Variants in TENM3 observed in about 807,000 individuals in gnomAD.
TENM3 encodes the protein teneurin transmembrane protein 3.
In TENM3, 63 loss-of-function variants were observed where a neutral mutation model predicts 255.1. The observed-to-expected ratio is 0.25, with a 90% confidence interval of 0.20 to 0.30. The LOEUF (loss-of-function observed/expected upper bound fraction) is 0.30, where lower values mean the gene tolerates loss of function less well. Ranked by LOEUF, TENM3 falls within the 10% of genes least tolerant of loss-of-function variation. The pLI is 1.00. For synonymous variants in TENM3, 1,306 were observed against 1,322.3 expected (o/e 0.99, Z 0.27); for missense variants, 2,929 against 3,461.1 (o/e 0.85, Z 3.86).
the TENM3 span, among the ~76,000 whole-genome samples, chr4:181,588,020 G>A: frequency 6.6e-6 from 1 of 152,110 alleles, no homozygotes; most frequent in Admixed American, 6.5e-5. Flanking sequence ...CTGCAGGGTG[G>A]AAGTGAGCCG....
chr4:181,818,611 CTT>C, the TENM3 span, among the ~76,000 whole-genome samples: 260 of 141,474 alleles, frequency 1.8e-3, no homozygotes, highest in Middle Eastern at 3.6e-3. Flanking sequence ...CAGTAAATCT[CTT>C]TTTTTTTTTT....
At chr4:181,491,390 T>C in the TENM3 span, among the ~76,000 whole-genome samples, 1 of 152,062 alleles carries the variant, frequency 6.6e-6, no homozygotes, top group Admixed American at 6.6e-5. Context: ...ATGTTGATTA[T>C]TCAAAATAAA....
At chr4:181,906,153 G>C in the TENM3 span, 1 of 274,422 alleles carries the variant, frequency 3.6e-6, no homozygotes, top group Non-Finnish European at 7.5e-6. Context: ...TAAACAGTAA[G>C]CAGCCATCAA....
chr4:182,658,363 A>G (rs985178783), intron 6 of TENM3, among the ~76,000 whole-genome samples: 5 of 152,184 alleles, frequency 3.3e-5, no homozygotes, highest in Admixed American at 6.5e-5. Context: ...TGCGCTTGAC[A>G]ATATAATCAC....
At chr4:182,383,648 C>A (rs770985770) in intron 3 of TENM3, among the ~76,000 whole-genome samples, 35 of 151,934 alleles carry the variant, frequency 2.3e-4, no homozygotes, top group Non-Finnish European at 8.8e-5. Flanking sequence ...ATTTTGGAAT[C>A]CTCGGTGTCT....
chr4:182,727,293 T>TA (rs1272164185), intron 13 of TENM3, among the ~76,000 whole-genome samples: 1 of 151,776 alleles, frequency 6.6e-6, no homozygotes, highest in Non-Finnish European at 1.5e-5. Context: ...CCGTCTCTAC[T>TA]AAAAATACAA....
At chr4:181,859,379 T>G in the TENM3 span, among the ~76,000 whole-genome samples, 1 of 152,158 alleles carries the variant, frequency 6.6e-6, no homozygotes, top group African/African-American at 2.4e-5. Context: ...GAAAAATTAT[T>G]CACCCTTTTC....
the TENM3 span, among the ~76,000 whole-genome samples, chr4:182,131,255 C>T: frequency 6.6e-6 from 1 of 152,246 alleles, no homozygotes; most frequent in Admixed American, 6.5e-5. Context: ...GTGCCCAGTA[C>T]AAGCAATCAT....
At chr4:182,351,163 A>G (rs897634640) in intron 3 of TENM3, among the ~76,000 whole-genome samples, 1 of 151,986 alleles carries the variant, frequency 6.6e-6, no homozygotes, top group Non-Finnish European at 1.5e-5. Flanking sequence ...ACTCAGTGTC[A>G]AGAGATGTGC....
chr4:182,765,694 G>A (rs985029486), intron 22 of TENM3, among the ~76,000 whole-genome samples: 7 of 152,088 alleles, frequency 4.6e-5, no homozygotes, highest in South Asian at 2.1e-4. Context: ...TTCCGGTCGC[G>A]ATTGTGTCGC....
At chr4:182,220,052 G>A (rs1005995434) in intron 1 of TENM3, among the ~76,000 whole-genome samples, 9 of 152,114 alleles carry the variant, frequency 5.9e-5, no homozygotes, top group Admixed American at 5.9e-4. Context: ...TTGGCCCTGA[G>A]GAGCATCTTC....
At chr4:181,623,946 GTTCTT>G in the TENM3 span, among the ~76,000 whole-genome samples, 1 of 152,214 alleles carries the variant, frequency 6.6e-6, no homozygotes, top group African/African-American at 2.4e-5. Context: ...ATTTGGTGGT[GTTCTT>G]TTCTTCTTCT....
chr4:181,504,872 TATTA>T, the TENM3 span, among the ~76,000 whole-genome samples: 2 of 152,206 alleles, frequency 1.3e-5, no homozygotes, highest in African/African-American at 4.8e-5. Context: ...TGCAAAATCA[TATTA>T]ATCCCTAATA....
intron 3 of TENM3, among the ~76,000 whole-genome samples, chr4:182,537,775 G>T (rs1199503838): frequency 6.6e-6 from 1 of 152,152 alleles, no homozygotes; most frequent in East Asian, 1.9e-4. Context: ...GGATACGTTT[G>T]TGTCCCTGTC....
At chr4:182,142,086 T>C (rs927347592), upstream of TENM3, 8 of 152,348 alleles carry the variant, frequency 5.3e-5, no homozygotes, top group South Asian at 2.1e-4. Context: ...ATGATCTTCA[T>C]GTAATATCTG....
intron 1 of TENM3, among the ~76,000 whole-genome samples, chr4:182,280,747 TG>T (rs1210495966): frequency 6.6e-6 from 1 of 152,180 alleles, no homozygotes. Flanking sequence ...GCCACTTCTC[TG>T]GGCATCATCT....
the TENM3 span, among the ~76,000 whole-genome samples, chr4:181,904,388 A>T: frequency 7.2e-5 from 11 of 152,294 alleles, no homozygotes; most frequent in Non-Finnish European, 1.3e-4. Context: ...GAGGTGGTAG[A>T]TGCCCCAATC....
chr4:182,621,770 AT>A (rs1313185355), intron 4 of TENM3, among the ~76,000 whole-genome samples: 1 of 83,746 alleles, frequency 1.2e-5, no homozygotes, highest in Non-Finnish European at 2.3e-5. Context: ...TAATAATTAT[AT>A]ATTATATATA....
intron 3 of TENM3, among the ~76,000 whole-genome samples, chr4:182,560,904 G>A (rs1465851926): frequency 2.0e-5 from 3 of 152,202 alleles, no homozygotes; most frequent in Non-Finnish European, 4.4e-5. Flanking sequence ...TCTCTATTTG[G>A]TGTAAGGTCT....
Sources: gnomAD v4.1 joint callset for allele counts (sites outside exome capture counted in the v4.1 genomes callset) on GRCh38, gnomAD v4.1.1 for gene constraint, MANE v1.5 for transcripts, NCBI Gene and HGNC (gene_info 2026-07-23, HGNC 2026-07-21) for gene names.